The following ESCO1 variants were observed in gnomAD, a reference collection of about 807,000 sequenced individuals.
The protein encoded by ESCO1 is N-acetyltransferase ESCO1.
ESCO1 carries 33 observed loss-of-function variants against 83.5 expected under a neutral mutation model. That is an observed-to-expected ratio of 0.40 (90% CI 0.30 to 0.53). ESCO1 has a LOEUF of 0.53. Ranked by LOEUF, ESCO1 falls within the 20% of genes least tolerant of loss-of-function variation. ESCO1 has a pLI of 0.63. For missense variants in ESCO1, 855 were observed against 968.0 expected (o/e 0.88, Z 1.55); for synonymous variants, 332 against 324.3 (o/e 1.02, Z -0.25).
chr18:21,594,979 T>A (rs2038740581), intron 1 of ESCO1, among the ~76,000 whole-genome samples: 1 of 149,114 alleles, frequency 6.7e-6, no homozygotes, highest in South Asian at 2.1e-4. Context: ...CTTTTTTATA[T>A]ATGAAAAACT....
intron 1 of ESCO1, among the ~76,000 whole-genome samples, chr18:21,598,397 C>T (rs1211069290): frequency 6.6e-6 from 1 of 152,026 alleles, no homozygotes; most frequent in East Asian, 1.9e-4. Context: ...TTGTATGGGA[C>T]GGACATTAAA....
At chr18:21,530,652 T>C (rs557394819) in intron 11 of ESCO1, among the ~76,000 whole-genome samples, 162 bp from the exon 12 acceptor site, 140 of 152,292 alleles carry the variant, frequency 9.2e-4, no homozygotes, top group Admixed American at 2.0e-3. Flanking sequence ...TAATTATTCA[T>C]CTATAATATC....
chr18:21,546,641 G>GTT, intron 8 of ESCO1, among the ~76,000 whole-genome samples: 1 of 152,116 alleles, frequency 6.6e-6, no homozygotes, highest in Non-Finnish European at 1.5e-5. Flanking sequence ...CAGCCTCCTA[G>GTT]GCTCAAGCAA....
intron 8 of ESCO1, among the ~76,000 whole-genome samples, chr18:21,555,903 T>C (rs1162188198): frequency 6.6e-6 from 1 of 151,918 alleles, no homozygotes; most frequent in Non-Finnish European, 1.5e-5. Context: ...GAGGTTACAA[T>C]GAGCTATGAT....
At chr18:21,566,248 T>C in intron 5 of ESCO1, 42 bp from the exon 6 acceptor site, 2 of 1,558,454 alleles carry the variant, frequency 1.3e-6, no homozygotes, top group South Asian at 1.2e-5. Flanking sequence ...TTGAGTTTTA[T>C]ACTAGTTTTC....
chr18:21,564,071 C>T (rs2146201420), intron 7 of ESCO1, 132 bp downstream of exon 7: 2 of 636,376 alleles, frequency 3.1e-6, no homozygotes, highest in Admixed American at 3.0e-5. Context: ...GATGTCAGGC[C>T]ATAGAACCAC....
chr18:21,588,936 G>T (rs1431307057), intron 1 of ESCO1, among the ~76,000 whole-genome samples: 2 of 151,538 alleles, frequency 1.3e-5, no homozygotes, highest in Non-Finnish European at 2.9e-5. Context: ...TTTAATTTTA[G>T]AAATGTTAAT....
intron 2 of ESCO1, among the ~76,000 whole-genome samples, chr18:21,579,778 A>ACG (rs2038468794): frequency 1.8e-5 from 1 of 55,920 alleles, no homozygotes; most frequent in African/African-American, 6.0e-5. Flanking sequence ...TCTGACACAC[A>ACG]CACACACGCG....
intron 8 of ESCO1, among the ~76,000 whole-genome samples, chr18:21,546,401 A>C (rs2037974141): frequency 9.2e-6 from 1 of 108,176 alleles, no homozygotes; most frequent in Admixed American, 8.6e-5. Flanking sequence ...AAAACAAATA[A>C]AAACAAAAAA....
At chr18:21,595,951 G>A (rs1314346942) in intron 1 of ESCO1, among the ~76,000 whole-genome samples, 5 of 151,810 alleles carry the variant, frequency 3.3e-5, no homozygotes, top group Non-Finnish European at 5.9e-5. Context: ...GCGACAGAGC[G>A]AGACTCCATC....
intron 8 of ESCO1, among the ~76,000 whole-genome samples, chr18:21,553,729 T>C (rs975522688): frequency 6.6e-6 from 1 of 151,620 alleles, no homozygotes; most frequent in African/African-American, 2.4e-5. Flanking sequence ...TGGTGGCGCA[T>C]GCCGGCAATC....
chr18:21,565,681 A>G (rs2038250093), intron 6 of ESCO1, among the ~76,000 whole-genome samples: 1 of 152,250 alleles, frequency 6.6e-6, no homozygotes, highest in Admixed American at 6.5e-5. Context: ...TCACACCTAT[A>G]ATCCCAGAGA....
chr18:21,574,175 T>C lies in ESCO1; in HGVS notation c.669A>G (p.Gly223=), dbSNP rs1477887261. The C allele has an allele frequency of 1.2e-6, 2 of 1,613,940 alleles. No homozygotes were observed. Among genetic ancestry groups the C allele is most frequent in the Non-Finnish European group, 1.7e-6 (2 of 1,179,996 alleles). The change falls in exon 4 of 12, where the codon GGA becomes GGG. Residue 223 remains glycine, a synonymous_variant. Transcript: ENST00000269214. ...TAGTCTTCTGAGGACACTTTTCAGA[T>C]CCTTGCGTGCATTGAGAACTACAAG... ...ACACSSQCTQ[G]SEKCPQKTTR...
chr18:21,536,138 C>T lies in ESCO1; in HGVS notation c.2091G>A (p.Gln697=), dbSNP rs755170614. Residue 697 remains glutamine, a synonymous_variant, in exon 10 of 12, where the codon CAG becomes CAA. Transcript: ENST00000269214. ...EMVDNDLGFQ[Q]APLMCYSRTK... is the part of the protein sequence containing the mutation. ...TTCTGGAATAGCACATTAGTGGAGC[C>T]TGTTGAAAACCTAAATCATTGTCAA... 5.6e-6 allele frequency: 9 copies of T among 1,614,042 alleles called. 1 individual carries two copies. In the South Asian group the frequency reaches 9.9e-5, roughly 18 times the overall value.
intron 8 of ESCO1, among the ~76,000 whole-genome samples, chr18:21,549,487 T>C (rs890314643): frequency 6.6e-5 from 10 of 152,000 alleles, no homozygotes; most frequent in Non-Finnish European, 1.2e-4. Context: ...CGATCTCAGC[T>C]CCCTGCAATC....
rs199944972 is a variant in ESCO1 at position 21,579,784 on chromosome 18, A to ACGCG, written c.-693-4011_-693-4008dup. Among the ~76,000 whole-genome samples the ACGCG allele has an allele frequency of 8.7e-3, 526 of 60,254 alleles. 9 individuals are homozygous for ACGCG. The highest frequency in any genetic ancestry group is 0.018 in the African/African-American group (431 of 24,064). The allele number at this position is 60,254 out of a possible 152,430, so 39.5% of individuals were successfully genotyped here. A position where few individuals can be genotyped will look rare whatever the true frequency, so the allele number is the denominator to read the frequency against. On this transcript the variant is annotated intron_variant, in intron 2 of 11. Coordinates refer to ENST00000269214, the MANE Select transcript of ESCO1 (RefSeq NM_052911.3). ...GAGCGAGATTCTGACACACACACACACGCGCGCGCGCACACACACACACAC... is the reference window on the plus strand; with the variant it reads ...GAGCGAGATTCTGACACACACACACACGCGCGCGCGCGCGCACACACACACACAC...
intron 8 of ESCO1, among the ~76,000 whole-genome samples, chr18:21,553,253 G>A (rs555657882): frequency 5.1e-4 from 78 of 152,188 alleles, no homozygotes; most frequent in African/African-American, 1.9e-3. Context: ...TCACACCACT[G>A]CACTCCAGCC....
intron 8 of ESCO1, among the ~76,000 whole-genome samples, chr18:21,556,753 TAC>T (rs1290164825): frequency 1.3e-5 from 2 of 152,142 alleles, no homozygotes; most frequent in Non-Finnish European, 2.9e-5. Context: ...CAGGCTGCAG[TAC>T]AGTGGCACGA....
intron 2 of ESCO1, among the ~76,000 whole-genome samples, chr18:21,582,857 A>T (rs1184615886): frequency 6.6e-6 from 1 of 152,254 alleles, no homozygotes; most frequent in Non-Finnish European, 1.5e-5. Context: ...TCTATGCAGG[A>T]CAATCCACCT....
Sources: allele counts gnomAD v4.1 joint callset (sites outside exome capture counted in the v4.1 genomes callset), GRCh38; gene constraint gnomAD v4.1.1; transcripts MANE v1.5; gene names NCBI Gene and HGNC (gene_info 2026-07-23, HGNC 2026-07-21).